Variants in PARD3B observed in about 807,000 individuals in gnomAD.
The protein encoded by PARD3B is par-3 family cell polarity regulator beta.
A neutral mutation model predicts 130.2 loss-of-function variants in PARD3B; 103 were observed. The ratio of observed to expected loss-of-function variants is 0.79; its 90% CI spans 0.67 to 0.93. The LOEUF (loss-of-function observed/expected upper bound fraction) is 0.93. PARD3B is among the 40% of genes least tolerant of loss of function. The pLI is 0.00. For synonymous variants in PARD3B, 583 were observed against 553.2 expected, an observed-to-expected ratio of 1.05 and a Z score of -0.76; for missense variants, 1,609 against 1,499.2, an observed-to-expected ratio of 1.07 and a Z score of -1.21.
At position 204,715,692 on chromosome 2, in the gene PARD3B, G is replaced by A. The variant is rs80169242; in HGVS notation, c.222+29410G>A. Among the ~76,000 whole-genome samples, 1,146 of 152,236 alleles carry A rather than the reference G, an allele frequency of 7.5e-3. 14 individuals are homozygous for A. The highest frequency in any genetic ancestry group is 0.025 in the African/African-American group (1,027 of 41,518). On this transcript the variant is annotated intron_variant, in intron 2 of 22. Transcript: ENST00000406610. ...TTCTATAGAAGAGAAAAGTTTGGGG[G>A]CTGCTTGGCTCTTTGCAGCCTAATT...
chr2:204,706,277 G>C (rs556690043), intron 2 of PARD3B, among the ~76,000 whole-genome samples: 1 of 151,558 alleles, frequency 6.6e-6, no homozygotes, highest in South Asian at 2.1e-4. Flanking sequence ...TGAGGCAGGA[G>C]AATCGCTTGA....
chr2:205,230,930 G>C lies in PARD3B; in HGVS notation c.2141-14848G>C, dbSNP rs1290662380. 6.6e-6 allele frequency among the ~76,000 whole-genome samples: 1 copy of C among 152,030 alleles called. No individual in the cohort carries two copies. Among genetic ancestry groups the C allele is most frequent in the Non-Finnish European group, 1.5e-5 (1 of 68,020 alleles). ...ACAGGGTGGAAAGCACTGAGTTCCAGTGCAAAGTCTCCAATCACTATGCTC... is the reference window on the plus strand; with the variant it reads ...ACAGGGTGGAAAGCACTGAGTTCCACTGCAAAGTCTCCAATCACTATGCTC... On this transcript the variant is annotated intron_variant, in intron 15 of 22. Coordinates refer to ENST00000406610, the MANE Select transcript of PARD3B (RefSeq NM_001302769.2). The surrounding 1 kb of genome is among the most constrained non-coding windows in gnomAD (Gnocchi z 4.1).
intron 20 of PARD3B, among the ~76,000 whole-genome samples, chr2:205,486,290 A>C (rs994520530): frequency 2.4e-4 from 36 of 152,306 alleles, no homozygotes; most frequent in African/African-American, 8.4e-4. Flanking sequence ...GCTGTCTGCT[A>C]TTCTGTACAC....
intron 22 of PARD3B, among the ~76,000 whole-genome samples, chr2:205,615,114 A>G (rs1221989357): frequency 2.6e-5 from 4 of 152,158 alleles, no homozygotes; most frequent in Admixed American, 6.5e-5. Flanking sequence ...ATTGAAGTGT[A>G]TTTTCCTCTC....
At chr2:204,680,257 G>A (rs997256011) in intron 1 of PARD3B, among the ~76,000 whole-genome samples, 4 of 151,818 alleles carry the variant, frequency 2.6e-5, no homozygotes, top group Non-Finnish European at 2.9e-5. Context: ...TTTAATTCTT[G>A]TTGTTTTTGT....
intron 11 of PARD3B, among the ~76,000 whole-genome samples, 199 bp from the exon 12 acceptor site, chr2:205,172,012 A>G (rs533279019): frequency 7.2e-5 from 11 of 152,334 alleles, no homozygotes; most frequent in Non-Finnish European, 1.5e-4. Flanking sequence ...ATACTTTCAC[A>G]CAATTCATTA....
At chr2:205,257,540 G>A (rs973623019) in intron 16 of PARD3B, among the ~76,000 whole-genome samples, 1 of 152,022 alleles carries the variant, frequency 6.6e-6, no homozygotes, top group African/African-American at 2.4e-5. Context: ...TAGTAGTCTG[G>A]TGGCCCATAC....
intron 5 of PARD3B, among the ~76,000 whole-genome samples, chr2:205,109,650 C>CT (rs35545106): frequency 2.7e-4 from 19 of 69,254 alleles, no homozygotes; most frequent in African/African-American, 6.1e-4. Context: ...AATACCTAAT[C>CT]TTTTTTTTTT....
At chr2:205,474,961 G>A (rs2048974962) in intron 20 of PARD3B, among the ~76,000 whole-genome samples, 1 of 152,138 alleles carries the variant, frequency 6.6e-6, no homozygotes, top group South Asian at 2.1e-4. Context: ...GCTCGCCTCA[G>A]CCGTGAGTCA....
At chr2:205,195,719 G>A (rs763161762) in intron 15 of PARD3B, among the ~76,000 whole-genome samples, 8 of 152,010 alleles carry the variant, frequency 5.3e-5, no homozygotes, top group East Asian at 1.9e-4. Context: ...TCTTTAAAGC[G>A]TTTTAACATT....
chr2:205,094,345 G>A (rs1199789199), intron 4 of PARD3B, among the ~76,000 whole-genome samples: 1 of 152,042 alleles, frequency 6.6e-6, no homozygotes, highest in East Asian at 1.9e-4. Context: ...TTTGAGTCTG[G>A]GTGAGAAGAG....
intron 1 of PARD3B, among the ~76,000 whole-genome samples, chr2:204,645,465 T>G (rs549386503): frequency 1.3e-5 from 2 of 152,266 alleles, no homozygotes; most frequent in Admixed American, 6.5e-5. Context: ...AAAATTTTGT[T>G]TCATGGGTTT....
chr2:205,454,797 C>G (rs1455702968), intron 20 of PARD3B, among the ~76,000 whole-genome samples: 1 of 151,978 alleles, frequency 6.6e-6, no homozygotes, highest in Non-Finnish European at 1.5e-5. Context: ...TCACGAAAAA[C>G]CAAGCCCCAA....
chr2:204,800,988 T>C (rs1352532576), intron 2 of PARD3B, among the ~76,000 whole-genome samples: 4 of 152,190 alleles, frequency 2.6e-5, no homozygotes, highest in African/African-American at 4.8e-5. Flanking sequence ...CCATTTCTTG[T>C]TTTTATCAGG....
chr2:205,069,233 T>A (rs1559408340), intron 4 of PARD3B, among the ~76,000 whole-genome samples: 1 of 152,072 alleles, frequency 6.6e-6, no homozygotes, highest in Non-Finnish European at 1.5e-5. Flanking sequence ...AAATCCTATT[T>A]TGCCTGATAC....
chr2:205,557,886 C>T (rs1037319531), intron 22 of PARD3B, among the ~76,000 whole-genome samples: 16 of 152,090 alleles, frequency 1.1e-4, no homozygotes, highest in Non-Finnish European at 1.8e-4. Context: ...ATCCTTTTGG[C>T]GTTGCTTTCC....
intron 3 of PARD3B, among the ~76,000 whole-genome samples, chr2:205,018,459 T>G (rs2125325540): frequency 6.6e-6 from 1 of 152,154 alleles, no homozygotes; most frequent in African/African-American, 2.4e-5. Context: ...TGAACCTCAG[T>G]TTTCTGATCT....
intron 16 of PARD3B, among the ~76,000 whole-genome samples, chr2:205,267,124 TTCAAAGGGGAGAAA>T (rs1013368435): frequency 3.3e-5 from 5 of 152,316 alleles, no homozygotes; most frequent in Admixed American, 1.3e-4. Flanking sequence ...CGGATTTATT[TTCAAAGGGGAGAAA>T]TCATTCTAAA....
chr2:205,508,395 A>T (rs905318565), intron 21 of PARD3B, among the ~76,000 whole-genome samples: 2 of 152,096 alleles, frequency 1.3e-5, no homozygotes, highest in African/African-American at 4.8e-5. Flanking sequence ...CAACATAGTC[A>T]AACCTTTCTC....
Sources: gnomAD v4.1 joint callset for allele counts (sites outside exome capture counted in the v4.1 genomes callset) on GRCh38, gnomAD v4.1.1 for gene constraint, Gnocchi (gnomAD v3.1) non-coding constraint, MANE v1.5 for transcripts, NCBI Gene and HGNC (gene_info 2026-07-23, HGNC 2026-07-21) for gene names.